The following DNAJC13 variants were observed in gnomAD, a reference collection of about 807,000 sequenced individuals.
DNAJC13 encodes DnaJ heat shock protein family (Hsp40) member C13, also known as dnaJ homolog subfamily C member 13.
DNAJC13 carries 75 observed loss-of-function variants against 290.5 expected under a neutral mutation model. That is an observed-to-expected ratio of 0.26 (90% CI 0.21 to 0.31). DNAJC13 has a LOEUF of 0.31. Among genes scored for constraint, DNAJC13 ranks in the 10% least tolerant of loss-of-function variants. The probability of loss-of-function intolerance (pLI) is 1.00; values close to 1 mark genes in which losing one functional copy is unlikely to be tolerated. For missense variants in DNAJC13, 2,260 were observed against 2,674.5 expected (o/e 0.85, Z 3.42); for synonymous variants, 862 against 892.0 (o/e 0.97, Z 0.60).
intron 5 of DNAJC13, 67 bp from the exon 6 acceptor site, chr3:132,450,580 T>C: frequency 8.4e-7 from 1 of 1,184,606 alleles, no homozygotes; most frequent in Non-Finnish European, 1.2e-6. Context: ...GTGACTGTGA[T>C]ACATTAAATT....
chr3:132,464,394 T>C (rs933579425), intron 17 of DNAJC13, among the ~76,000 whole-genome samples: 1 of 152,198 alleles, frequency 6.6e-6, no homozygotes, highest in Non-Finnish European at 1.5e-5. Context: ...CTCTTTGTGG[T>C]TTCTAACATG....
intron 4 of DNAJC13, 66 bp from the exon 5 acceptor site, chr3:132,447,832 A>G (rs1933301332): frequency 7.7e-7 from 1 of 1,290,956 alleles, no homozygotes; most frequent in African/African-American, 1.5e-5. Context: ...TTTGAGTAGA[A>G]GGGAGTGAGC....
At chr3:132,473,765 T>G (rs1934367976) in intron 21 of DNAJC13, among the ~76,000 whole-genome samples, 2 of 152,144 alleles carry the variant, frequency 1.3e-5, no homozygotes, top group Admixed American at 6.5e-5. Flanking sequence ...CTCACAGTAC[T>G]CACTCTGGAA....
intron 44 of DNAJC13, 66 bp from the exon 45 acceptor site, chr3:132,512,942 G>A (rs1935821577): frequency 9.9e-6 from 13 of 1,307,494 alleles, no homozygotes; most frequent in Non-Finnish European, 1.4e-5. Context: ...AGTGTATATC[G>A]GTTTTCTGAA....
intron 45 of DNAJC13, among the ~76,000 whole-genome samples, chr3:132,513,410 G>A (rs1461169932): frequency 6.6e-5 from 10 of 152,178 alleles, no homozygotes; most frequent in Admixed American, 3.9e-4. Context: ...CCACACATCA[G>A]CAAGAAGATG....
intron 44 of DNAJC13, among the ~76,000 whole-genome samples, chr3:132,512,310 G>A (rs148019699): frequency 1.7e-3 from 252 of 152,268 alleles, no homozygotes; most frequent in Non-Finnish European, 2.4e-3. Context: ...CTATCAATAA[G>A]TGGTTTGAAA....
chr3:132,449,987 A>G (rs1204495221), intron 5 of DNAJC13, among the ~76,000 whole-genome samples: 1 of 152,172 alleles, frequency 6.6e-6, no homozygotes, highest in Non-Finnish European at 1.5e-5. Context: ...GAAACTGGAT[A>G]GTAAATGGAT....
intron 13 of DNAJC13, chr3:132,458,416 T>A (rs373624573): frequency 1.1e-4 from 16 of 152,146 alleles, no homozygotes; most frequent in Non-Finnish European, 2.2e-4. Context: ...AACAATGATA[T>A]GGAGAGTTGC....
intron 40 of DNAJC13, 84 bp from the exon 41 acceptor site, chr3:132,503,130 C>T: frequency 1.4e-6 from 2 of 1,411,788 alleles, no homozygotes; most frequent in South Asian, 1.4e-5. Flanking sequence ...AAATATGTTC[C>T]ATATAGTGTG....
Position 132,516,775 on chromosome 3 carries a change from C to T in DNAJC13, c.5632C>T (p.Leu1878Phe), listed in dbSNP as rs202096690. Residue 1878 changes from leucine (L) to phenylalanine (F), a missense_variant, in exon 48 of 56, where the codon CTT (leucine) becomes TTT (phenylalanine). Around this residue, in one of 3 missense-constraint regions of DNAJC13, gnomAD observed 1,494 missense variants for 1,693.7 expected, o/e 0.88. Coordinates refer to ENST00000260818, the MANE Select transcript of DNAJC13 (RefSeq NM_015268.4). ...ACAGGTTCGAGCCCAAACAGCAGAA[C>T]TTTTTGCCAAAATGACAGCAGATAA... ...HPQVRAQTAE[L>F]FAKMTADKLI... 1.2e-6 allele frequency: 2 copies of T among 1,613,558 alleles called. No individual in the cohort carries two copies. Among genetic ancestry groups the T allele is most frequent in the East Asian group, 4.5e-5 (2 of 44,842 alleles).
chr3:132,482,306 G>C lies in DNAJC13; in HGVS notation c.2955G>C (p.Arg985Ser), dbSNP rs1007780751. The C allele has an allele frequency of 1.1e-5, 18 of 1,613,632 alleles. No homozygotes were observed. The highest frequency in any genetic ancestry group is 1.5e-5 in the Non-Finnish European group (18 of 1,179,782). Reference sequence around the variant, plus strand: ...ATTTTGGCAACGCAGACAAAGAAAGGAGTGGCCCGTATGGATTTCATGAGG... The same window carrying C: ...ATTTTGGCAACGCAGACAAAGAAAGCAGTGGCCCGTATGGATTTCATGAGG... ...EWYFGNADKE[R>S]SGPYGFHEMQ... Residue 985 changes from arginine (R) to serine (S), a missense_variant, in exon 27 of 56, where the codon AGG becomes AGC. Around this residue, in one of 3 missense-constraint regions of DNAJC13, gnomAD observed 1,494 missense variants for 1,693.7 expected, o/e 0.88. Transcript: ENST00000260818.
chr3:132,526,060 ATTTAC>A lies in DNAJC13; in HGVS notation c.6241-78_6241-74del, dbSNP rs1286011366. 3 of 1,516,466 alleles carry A rather than the reference ATTTAC, an allele frequency of 2.0e-6. No individual in the cohort carries two copies. The East Asian group carries it at 7.1e-5, about 36-fold the overall frequency. 93.9% of individuals were successfully genotyped at this position (1,516,466 alleles called of 1,614,324 possible). ...AAAGTAAGGGATTCTTTTTTTACTT[ATTTAC>A]TTATTTTGTTATGGTATTTACTATG... On this transcript the variant is annotated intron_variant, in intron 52 of 55. Coordinates refer to ENST00000260818, the MANE Select transcript of DNAJC13 (RefSeq NM_015268.4).
chr3:132,457,157 AT>A, intron 12 of DNAJC13, 111 bp from the exon 13 acceptor site: 1 of 781,746 alleles, frequency 1.3e-6, no homozygotes, highest in Non-Finnish European at 2.0e-6. Context: ...GGAATTTAAA[AT>A]ACGTCATTGT....
chr3:132,467,623 G>A (rs977672717), intron 20 of DNAJC13, among the ~76,000 whole-genome samples: 13 of 151,742 alleles, frequency 8.6e-5, no homozygotes, highest in Non-Finnish European at 1.9e-4. Context: ...CCGCCACCAC[G>A]CCCGGCTAAT....
At chr3:132,457,751 G>A (rs1397727466) in intron 13 of DNAJC13, 2 of 157,770 alleles carry the variant, frequency 1.3e-5, no homozygotes, top group Non-Finnish European at 2.8e-5. Context: ...TCTGAATCTT[G>A]AAGGACAGGC....
intron 18 of DNAJC13, 91 bp downstream of exon 18, chr3:132,466,161 T>C (rs1933972463): frequency 2.1e-6 from 3 of 1,422,058 alleles, no homozygotes; most frequent in African/African-American, 1.4e-5. Context: ...GGTTTGTTTT[T>C]TATTGAAAAG....
At chr3:132,475,706 C>G (rs76506367) in intron 22 of DNAJC13, among the ~76,000 whole-genome samples, 4,379 of 152,130 alleles carry the variant, frequency 0.029, 209 homozygotes, top group African/African-American at 0.1. Context: ...CTTTTCTTAG[C>G]AAAATGAAAA....
intron 1 of DNAJC13, among the ~76,000 whole-genome samples, chr3:132,428,057 A>T (rs1430676261): frequency 6.6e-6 from 1 of 152,228 alleles, no homozygotes; most frequent in East Asian, 1.9e-4. Flanking sequence ...CTCTGTGATC[A>T]GTGCCCTAGG....
intron 2 of DNAJC13, among the ~76,000 whole-genome samples, chr3:132,439,431 T>G (rs927222608): frequency 4.0e-5 from 6 of 149,864 alleles, no homozygotes; most frequent in African/African-American, 1.2e-4. Flanking sequence ...TACTGAGGGG[T>G]TTTTTTTGTT....
Sources: gnomAD v4.1 joint callset for allele counts (sites outside exome capture counted in the v4.1 genomes callset) on GRCh38, gnomAD v4.1.1 for gene constraint, gnomAD v4.1.1 regional missense constraint, MANE v1.5 for transcripts, NCBI Gene and HGNC (gene_info 2026-07-23, HGNC 2026-07-21) for gene names.